CRAMP1: variants seen among roughly 807,000 people sequenced by gnomAD.
CRAMP1 encodes the protein cramped chromatin regulator 1, also known as protein cramped-like.
Under a neutral mutation model 115.4 loss-of-function variants are expected in CRAMP1, and 50 were observed. The observed-to-expected ratio is 0.43, with a 90% CI of 0.35 to 0.55. The LOEUF (loss-of-function observed/expected upper bound fraction) is 0.55. CRAMP1 is among the 20% of genes least tolerant of loss of function. CRAMP1 has a pLI of 0.01. For missense variants in CRAMP1, 1,679 were observed against 1,721.7 expected, an observed-to-expected ratio of 0.98 and a Z score of 0.44; for synonymous variants, 866 against 745.4, an observed-to-expected ratio of 1.16 and a Z score of -2.64.
rs1198231102 is a variant in CRAMP1 at position 1,632,203 on chromosome 16, A to G, written c.541-9A>G. On this transcript the variant is annotated splice_polypyrimidine_tract_variant and intron_variant, in intron 3 of 20. Coordinates refer to ENST00000397412, the MANE Select transcript of CRAMP1 (RefSeq NM_020825.4). ...CCCCTCTACATTTATCATGGAATTT[A>G]TTTTCCAGCATGGGAAAGACTTTGA... 2.6e-6 allele frequency: 4 copies of G among 1,552,644 alleles called. No homozygotes were observed. Among genetic ancestry groups the G allele is most frequent in the Non-Finnish European group, 3.5e-6 (4 of 1,147,394 alleles).
Position 1,659,951 on chromosome 16 carries a change from G to T in CRAMP1, c.2301G>T (p.Thr767=). ...CCGCCCAGGAGGAGCAGTCGATGAC[G>T]CCCCCAGGGAAGGTGGTGACCGTCA... The part of the protein sequence containing the change: ...VRPAQEEQSM[T]PPGKVVTVSS... Residue 767 remains threonine (T), a synonymous_variant, in exon 11 of 21, where the codon ACG becomes ACT. Coordinates refer to ENST00000397412, the MANE Select transcript of CRAMP1 (RefSeq NM_020825.4). 6.2e-7 allele frequency: 1 copy of T among 1,611,234 alleles called. No homozygotes were observed.
intron 6 of CRAMP1, among the ~76,000 whole-genome samples, chr16:1,647,950 C>T (rs1276040308): frequency 6.6e-6 from 1 of 151,990 alleles, no homozygotes; most frequent in Non-Finnish European, 1.5e-5. Flanking sequence ...GAACTGTGAC[C>T]AGGCCTAAGC....
chr16:1,670,672 A>G lies in CRAMP1; in HGVS notation c.3508A>G (p.Ile1170Val), dbSNP rs1286446160. 6.2e-7 allele frequency: 1 copy of G among 1,613,928 alleles called. No homozygotes were observed. The highest frequency in any genetic ancestry group is 1.3e-5 in the African/African-American group (1 of 75,016). Residue 1170 changes from isoleucine (I) to valine (V), a missense_variant, in exon 20 of 21, where the codon ATC (isoleucine) becomes GTC (valine). By Grantham distance (29) the Ile-to-Val change is conservative. Coordinates refer to ENST00000397412, the MANE Select transcript of CRAMP1 (RefSeq NM_020825.4). The part of the protein sequence containing the change: ...SSLSSLFASF[I>V]SPEKSRKMLP... ...TGGCCTTTTCTCCGCAGCAAGCTTC[A>G]TCTCCCCAGAGAAGAGCCGGAAGAT...
intron 8 of CRAMP1, among the ~76,000 whole-genome samples, chr16:1,654,765 G>T (rs190055276): frequency 1.8e-4 from 27 of 152,354 alleles, no homozygotes; most frequent in African/African-American, 6.0e-4. Flanking sequence ...AGGCCTCCGG[G>T]CCTGGCATCT....
intron 6 of CRAMP1, among the ~76,000 whole-genome samples, chr16:1,643,128 G>A (rs979194699): frequency 6.6e-6 from 1 of 152,200 alleles, no homozygotes; most frequent in African/African-American, 2.4e-5. Flanking sequence ...GACAACTCGG[G>A]GGGCTTTGAT....
chr16:1,669,171 T>TATAC lies in CRAMP1; in HGVS notation c.3499+6_3499+7insATAC. On this transcript the variant is annotated splice_region_variant and intron_variant, in intron 19 of 20. Transcript: ENST00000397412. This position sits in a 1 kb window ranked among gnomAD's most constrained non-coding sequence, Gnocchi z 4.6. ...CTCGCTCAGCAGCCTGTTTGGTGAG[T>TATAC]GTATGGGGAGGGCTCCCATCTCCTT... 6.3e-7 allele frequency: 1 copy of TATAC among 1,577,688 alleles called. No homozygotes were observed.
At chr16:1,621,849 G>A (rs1032230829) in intron 2 of CRAMP1, among the ~76,000 whole-genome samples, 2 of 152,194 alleles carry the variant, frequency 1.3e-5, no homozygotes, top group Non-Finnish European at 2.9e-5. Context: ...GATGGACCTG[G>A]CTTTGGCCTT....
At chr16:1,616,500 G>C (rs1054966703) in intron 2 of CRAMP1, among the ~76,000 whole-genome samples, 10 of 152,240 alleles carry the variant, frequency 6.6e-5, no homozygotes, top group African/African-American at 2.4e-4. Context: ...AGCACTCTCA[G>C]ACGTGTACGT....
Position 1,656,226 on chromosome 16 carries a change from C to G in CRAMP1, c.1469C>G (p.Ser490Cys). 6.2e-7 allele frequency: 1 copy of G among 1,607,064 alleles called. No homozygotes were observed. The highest frequency in any genetic ancestry group is 8.5e-7 in the Non-Finnish European group (1 of 1,178,278). ...GCCTTGCAGAGCTCCGGAGAGAGTTCCCCCGAAAGCGCCCCCGGGGAGGGG... is the reference window on the plus strand; with the variant it reads ...GCCTTGCAGAGCTCCGGAGAGAGTTGCCCCGAAAGCGCCCCCGGGGAGGGG... ...ADALQSSGESSPESAPGEGAA... is the reference protein window; with the variant it reads ...ADALQSSGESCPESAPGEGAA... The change falls in exon 10 of 21, where the codon TCC (serine) becomes TGC (cysteine). Residue 490 changes from serine to cysteine, a missense_variant. By Grantham distance (112) the Ser-to-Cys change is moderately radical (BLOSUM62 -1). Around this residue, in one of 8 missense-constraint regions of CRAMP1, gnomAD observed 405 missense variants for 302.6 expected, o/e 1.34. Coordinates refer to ENST00000397412, the MANE Select transcript of CRAMP1 (RefSeq NM_020825.4). The surrounding 1 kb of genome is among the most constrained non-coding windows in gnomAD (Gnocchi z 5.6).
Position 1,656,130 on chromosome 16 carries a change from G to C in CRAMP1, c.1373G>C (p.Arg458Pro). ...LGIQSGQGTA[R>P]GQVKCPRSGA... ...ATCCAGAGTGGGCAGGGCACGGCCC[G>C]GGGCCAGGTGAAATGCCCGCGGAGC... Residue 458 changes from arginine (R) to proline (P), a missense_variant, in exon 10 of 21, where the codon CGG (arginine) becomes CCG (proline). This residue lies in a region of CRAMP1 where 191 missense variants were observed against 236.2 expected (regional missense o/e 0.81). Coordinates refer to ENST00000397412, the MANE Select transcript of CRAMP1 (RefSeq NM_020825.4). The surrounding 1 kb of genome is among the most constrained non-coding windows in gnomAD (Gnocchi z 5.6). The C allele has an allele frequency of 6.2e-7, 1 of 1,608,198 alleles. No homozygotes were observed. Among genetic ancestry groups the C allele is most frequent in the Non-Finnish European group, 8.5e-7 (1 of 1,178,108 alleles).
rs950125928 is a variant in CRAMP1, at chr16:1,612,645, G to A, written c.-14G>A. Among the ~76,000 whole-genome samples the A allele has an allele frequency of 2.0e-5, 3 of 151,970 alleles. No individual in the cohort carries two copies. Among genetic ancestry groups the A allele is most frequent in the African/African-American group, 4.8e-5 (2 of 41,404 alleles). On this transcript the variant is annotated 5_prime_UTR_variant, in exon 1 of 21. Transcript: ENST00000397412. ...CCGGGAAGCCAGGCTGCCGCCCGGCGTTGATGAAAAAGGTGACCAAGGCTG... is the reference window on the plus strand; with the variant it reads ...CCGGGAAGCCAGGCTGCCGCCCGGCATTGATGAAAAAGGTGACCAAGGCTG...
Position 1,656,901 on chromosome 16 carries a change from C to G in CRAMP1, c.2144C>G (p.Pro715Arg). Residue 715 changes from proline to arginine, a missense_variant, in exon 10 of 21, where the codon CCC (proline) becomes CGC (arginine). Around this residue, in one of 8 missense-constraint regions of CRAMP1, gnomAD observed 709 missense variants for 741.9 expected, o/e 0.96. Transcript: ENST00000397412. This position sits in a 1 kb window ranked among gnomAD's most constrained non-coding sequence, Gnocchi z 5.6. Reference sequence around the variant, plus strand: ...TGGCTGGGGCCCGGCCGCCAGGACCCCCGCCCCGGCTCCCTACCCACCGCC... The same window carrying G: ...TGGCTGGGGCCCGGCCGCCAGGACCGCCGCCCCGGCTCCCTACCCACCGCC... ...YDWLGPGRQD[P>R]RPGSLPTALH... 1 of 1,552,138 alleles carries G rather than the reference C, an allele frequency of 6.4e-7. No homozygotes were observed. Among genetic ancestry groups the G allele is most frequent in the Non-Finnish European group, 8.7e-7 (1 of 1,148,232 alleles).
At chr16:1,630,259 C>T (rs1478908437) in intron 3 of CRAMP1, among the ~76,000 whole-genome samples, 1 of 152,014 alleles carries the variant, frequency 6.6e-6, no homozygotes, top group Non-Finnish European at 1.5e-5. Flanking sequence ...AGTGACGATC[C>T]TCCTGCCTCA....
At chr16:1,615,426 C>T (rs1007441773) in intron 2 of CRAMP1, among the ~76,000 whole-genome samples, 2 of 152,122 alleles carry the variant, frequency 1.3e-5, no homozygotes, top group Non-Finnish European at 2.9e-5. Flanking sequence ...GGGTAAGAAG[C>T]GGAGAAAGGA....
rs952404977 is a variant in CRAMP1, at chr16:1,675,680, A to G, written c.*1635A>G. On this transcript the variant is annotated 3_prime_UTR_variant, in exon 21 of 21. Transcript: ENST00000397412. Reference sequence around the variant, plus strand: ...GTACTGCACCACTGGGAGGACGTGGAGAGGACAGTGAACTTCCAGGCAAGA... The same window carrying G: ...GTACTGCACCACTGGGAGGACGTGGGGAGGACAGTGAACTTCCAGGCAAGA... The G allele has an allele frequency of 6.6e-6, 1 of 152,280 alleles. No individual in the cohort carries two copies. Among genetic ancestry groups the G allele is most frequent in the Admixed American group, 6.5e-5 (1 of 15,286 alleles). The allele number at this position is 152,280 out of a possible 1,614,324, so 9.4% of individuals were successfully genotyped here.
chr16:1,618,329 A>G (rs1162222080), intron 2 of CRAMP1, among the ~76,000 whole-genome samples: 1 of 152,216 alleles, frequency 6.6e-6, no homozygotes, highest in African/African-American at 2.4e-5. Flanking sequence ...TTAAGTCACA[A>G]GGTGTTTTAC....
chr16:1,664,923 G>T (rs2040368305), intron 13 of CRAMP1, 134 bp from the exon 14 acceptor site: 2 of 675,436 alleles, frequency 3.0e-6, no homozygotes, highest in African/African-American at 3.5e-5. Flanking sequence ...CAGGTACCCT[G>T]TGTCATCGGC....
chr16:1,647,183 G>GA (rs1427358343), intron 6 of CRAMP1: 1 of 617,080 alleles, frequency 1.6e-6, no homozygotes, highest in African/African-American at 1.8e-5. Context: ...AATTAACTGT[G>GA]AATCTTCTTT....
chr16:1,634,011 A>T (rs1169057721), intron 4 of CRAMP1, among the ~76,000 whole-genome samples: 1 of 150,876 alleles, frequency 6.6e-6, no homozygotes, highest in East Asian at 2.0e-4. Context: ...TTGGCCACAG[A>T]GCAAGACTCC....
Sources: gnomAD v4.1 joint callset for allele counts (sites outside exome capture counted in the v4.1 genomes callset) on GRCh38, gnomAD v4.1.1 for gene constraint, gnomAD v4.1.1 regional missense constraint, Gnocchi (gnomAD v3.1) non-coding constraint, MANE v1.5 for transcripts, NCBI Gene and HGNC (gene_info 2026-07-23, HGNC 2026-07-21) for gene names.